R3HDM4: variants seen among roughly 807,000 people sequenced by gnomAD.
R3HDM4 encodes R3H domain-containing protein 4.
In R3HDM4, 30 loss-of-function variants were observed where a neutral mutation model predicts 31.3. That is an observed-to-expected ratio of 0.96 (90% CI 0.72 to 1.30). The LOEUF is 1.30. Ranked by LOEUF, R3HDM4 falls within the 50% of genes most tolerant of loss-of-function variation. R3HDM4 has a pLI of 0.00. For synonymous variants in R3HDM4, 196 were observed against 156.6 expected, an observed-to-expected ratio of 1.25 and a Z score of -1.88; for missense variants, 444 against 366.1, an observed-to-expected ratio of 1.21 and a Z score of -1.74.
chr19:897,279 C>T lies in R3HDM4; in HGVS notation c.*158G>A, dbSNP rs1445473831. 3.4e-6 allele frequency: 2 copies of T among 587,148 alleles called. No individual in the cohort carries two copies. Among genetic ancestry groups the T allele is most frequent in the Admixed American group, 3.4e-5 (1 of 29,094 alleles). 36.4% of individuals were successfully genotyped at this position (587,148 alleles called of 1,614,324 possible). A position where few individuals can be genotyped will look rare whatever the true frequency, so the allele number is the denominator to read the frequency against. On this transcript the variant is annotated 3_prime_UTR_variant, in exon 8 of 8. Coordinates refer to ENST00000361574, the MANE Select transcript of R3HDM4 (RefSeq NM_138774.4). ...CCAGCCGCCAGCGTCTGTTGACTGCCAAGAGCTGCGTGAGGAGGGGGCAGA... is the reference window on the plus strand; with the variant it reads ...CCAGCCGCCAGCGTCTGTTGACTGCTAAGAGCTGCGTGAGGAGGGGGCAGA...
rs553957189 is a variant in R3HDM4 at position 898,778 on chromosome 19, C to T, written c.703+662G>A. 5.6e-4 allele frequency among the ~76,000 whole-genome samples: 86 copies of T among 152,250 alleles called. 1 individual carries two copies. The East Asian group carries it at 0.014, about 25-fold the overall frequency. On this transcript the variant is annotated intron_variant, in intron 7 of 7. Coordinates refer to ENST00000361574, the MANE Select transcript of R3HDM4 (RefSeq NM_138774.4). ...CCCACCAAGCTCCAAGCCCCGCACC[C>T]CCAGCCAAGGCCGGATGTTCTGAGC...
At position 907,439 on chromosome 19, in the gene R3HDM4, G is replaced by A. The variant is rs1055561946; in HGVS notation, c.72-5309C>T. Among the ~76,000 whole-genome samples, 3 of 152,094 alleles carry A rather than the reference G, an allele frequency of 2.0e-5. No homozygotes were observed. The highest frequency in any genetic ancestry group is 2.9e-5 in the Non-Finnish European group (2 of 68,000). ...AAGTGACATCCGAGGGGAGCCCTCG[G>A]GGAAGTCAGAGGGGGCGGGGCTCGG... is the stretch of plus-strand genomic sequence containing the variant. On this transcript the variant is annotated intron_variant, in intron 1 of 7. Coordinates refer to ENST00000361574, the MANE Select transcript of R3HDM4 (RefSeq NM_138774.4). This position sits in a 1 kb window ranked among gnomAD's most constrained non-coding sequence, Gnocchi z 4.1.
rs570524602 is a variant in R3HDM4 at position 907,455 on chromosome 19, C to T, written c.72-5325G>A. On this transcript the variant is annotated intron_variant, in intron 1 of 7. Coordinates refer to ENST00000361574, the MANE Select transcript of R3HDM4 (RefSeq NM_138774.4). The surrounding 1 kb of genome is among the most constrained non-coding windows in gnomAD (Gnocchi z 4.1). ...GAGCCCTCGGGGAAGTCAGAGGGGG[C>T]GGGGCTCGGTGACACAGCTCAAGCC... Among the ~76,000 whole-genome samples the T allele has an allele frequency of 6.6e-6, 1 of 152,166 alleles. No homozygotes were observed. Among genetic ancestry groups the T allele is most frequent in the South Asian group, 2.1e-4 (1 of 4,824 alleles).
chr19:903,228 GC>G (rs11333484), intron 1 of R3HDM4, among the ~76,000 whole-genome samples: 56,090 of 149,076 alleles, frequency 0.38, 11,124 homozygotes, highest in Middle Eastern at 0.51. Context: ...TGATGCCTCA[GC>G]CCCCCCCGCA....
chr19:903,246 C>G (rs988783377), intron 1 of R3HDM4, among the ~76,000 whole-genome samples: 2 of 151,808 alleles, frequency 1.3e-5, no homozygotes, highest in African/African-American at 2.4e-5. Context: ...CGCAAACCCC[C>G]CCCTTAATGT....
In R3HDM4 at chr19:899,343, A is replaced by C; in HGVS notation, c.703+97T>G. 6 of 1,218,878 alleles carry C rather than the reference A, an allele frequency of 4.9e-6. No homozygotes were observed. The highest frequency in any genetic ancestry group is 2.4e-5 in the East Asian group (1 of 40,834). 75.5% of individuals were successfully genotyped at this position (1,218,878 alleles called of 1,614,324 possible). A position where few individuals can be genotyped will look rare whatever the true frequency, so the allele number is the denominator to read the frequency against. On this transcript the variant is annotated intron_variant, in intron 7 of 7. Transcript: ENST00000361574. The surrounding 1 kb of genome is among the most constrained non-coding windows in gnomAD (Gnocchi z 6.8). ...CTCCAGCCCCCTTCCCCACCTCCCCACCAAGCCCCACTCTGAGGAACCAGG... is the reference window on the plus strand; with the variant it reads ...CTCCAGCCCCCTTCCCCACCTCCCCCCCAAGCCCCACTCTGAGGAACCAGG...
intron 1 of R3HDM4, among the ~76,000 whole-genome samples, chr19:903,265 C>A (rs1414678897): frequency 6.6e-6 from 1 of 151,788 alleles, no homozygotes; most frequent in Non-Finnish European, 1.5e-5. Context: ...GTCCCCTGTC[C>A]CCAGGGCCAG....
rs752584648 is a variant in R3HDM4, at chr19:901,628, C to G, written c.227-82G>C. On this transcript the variant is annotated intron_variant, in intron 2 of 7. Coordinates refer to ENST00000361574, the MANE Select transcript of R3HDM4 (RefSeq NM_138774.4). ...CATGGGGACCCAAGAACTAGCCTTCCTCCTTTTTTATCATCTCAACCTCCG... is the reference window on the plus strand; with the variant it reads ...CATGGGGACCCAAGAACTAGCCTTCGTCCTTTTTTATCATCTCAACCTCCG... The G allele has an allele frequency of 4.6e-6, 7 of 1,529,562 alleles. No homozygotes were observed. The South Asian group carries it at 6.0e-5, about 13-fold the overall frequency. 94.7% of individuals were successfully genotyped at this position (1,529,562 alleles called of 1,614,324 possible). A position where few individuals can be genotyped will look rare whatever the true frequency, so the allele number is the denominator to read the frequency against.
In R3HDM4 at chr19:902,062, T is replaced by G; in HGVS notation, c.140A>C (p.Lys47Thr). ...QVKRLSASRRKQHFINQAVRN... is the reference protein window; with the variant it reads ...QVKRLSASRRTQHFINQAVRN... ...CACTGCCTGGTTGATGAAGTGCTGTTTCCGCCTGGAAGCCGAGAGTCTCTT... is the reference window on the plus strand; with the variant it reads ...CACTGCCTGGTTGATGAAGTGCTGTGTCCGCCTGGAAGCCGAGAGTCTCTT... The change falls in exon 2 of 8, where the codon AAA becomes ACA. Residue 47 changes from lysine to threonine, a missense_variant. By Grantham distance (78) the Lys-to-Thr change is moderately conservative. Coordinates refer to ENST00000361574, the MANE Select transcript of R3HDM4 (RefSeq NM_138774.4). 1 of 1,613,924 alleles carries G rather than the reference T, an allele frequency of 6.2e-7. No homozygotes were observed. The highest frequency in any genetic ancestry group is 8.5e-7 in the Non-Finnish European group (1 of 1,180,008).
intron 7 of R3HDM4, among the ~76,000 whole-genome samples, chr19:898,457 G>A (rs1343691069): frequency 6.7e-6 from 1 of 150,202 alleles, no homozygotes; most frequent in East Asian, 1.9e-4. Flanking sequence ...AAAATTAGCC[G>A]GGCGTGCTGG....
chr19:901,813 T>C, intron 2 of R3HDM4, 163 bp downstream of exon 2: 1 of 720,344 alleles, frequency 1.4e-6, no homozygotes, highest in Non-Finnish European at 2.2e-6. Context: ...GGCGCCTGTG[T>C]CTGGCTCTAT....
chr19:903,692 G>A (rs888700407), intron 1 of R3HDM4, among the ~76,000 whole-genome samples: 1 of 152,186 alleles, frequency 6.6e-6, no homozygotes, highest in Non-Finnish European at 1.5e-5. Flanking sequence ...GGAGTTTGAG[G>A]CTGCGGTGAG....
rs1471532565 is a variant in R3HDM4, at chr19:899,032, A to AG, written c.703+407dup. 1.3e-5 allele frequency among the ~76,000 whole-genome samples: 2 copies of AG among 152,086 alleles called. No homozygotes were observed. Among genetic ancestry groups the AG allele is most frequent in the East Asian group, 1.9e-4 (1 of 5,178 alleles). On this transcript the variant is annotated intron_variant, in intron 7 of 7. Coordinates refer to ENST00000361574, the MANE Select transcript of R3HDM4 (RefSeq NM_138774.4). This position sits in a 1 kb window ranked among gnomAD's most constrained non-coding sequence, Gnocchi z 6.8. ...GGAAAAGTGGAGCGCAGGGGCCAGT[A>AG]GGGGGTCTCGCCTGAGGTCCCACGT...
chr19:899,436 TTACTGGCCGAGATGAGGTCCATG>T lies in R3HDM4; in HGVS notation c.684_703+3del. On this transcript the variant is annotated splice_donor_variant and splice_donor_region_variant and coding_sequence_variant and intron_variant, in exon 7 of 8. Coordinates refer to ENST00000361574, the MANE Select transcript of R3HDM4 (RefSeq NM_138774.4). LOFTEE classifies it high-confidence loss of function. This position sits in a 1 kb window ranked among gnomAD's most constrained non-coding sequence, Gnocchi z 6.8. ...TTGGGGTCTTGGGGGCCACCGGCAC[TTACTGGCCGAGATGAGGTCCATG>T]TACTGGCAGACAGCGTGCAGCAGAA... 1 of 1,613,486 alleles carries T rather than the reference TTACTGGCCGAGATGAGGTCCATG, an allele frequency of 6.2e-7. No individual in the cohort carries two copies. The highest frequency in any genetic ancestry group is 8.5e-7 in the Non-Finnish European group (1 of 1,179,846).
rs535296735 is a variant in R3HDM4 at position 899,548 on chromosome 19, G to A, written c.647+53C>T. On this transcript the variant is annotated intron_variant, in intron 6 of 7. Coordinates refer to ENST00000361574, the MANE Select transcript of R3HDM4 (RefSeq NM_138774.4). This position sits in a 1 kb window ranked among gnomAD's most constrained non-coding sequence, Gnocchi z 6.8. The stretch of plus-strand genomic sequence containing the variant: ...GCAGGGGCTGCAGCGTGGGGTGTCC[G>A]CCCACCTGGCCGCAGCCTCGGAGGG... 2.4e-5 allele frequency: 38 copies of A among 1,611,460 alleles called. No individual in the cohort carries two copies. The highest frequency in any genetic ancestry group is 2.1e-4 in the African/African-American group (16 of 74,982).
In R3HDM4 at chr19:912,858, C is replaced by T. The variant is rs373043159; in HGVS notation, c.71+229G>A. Among the ~76,000 whole-genome samples the T allele has an allele frequency of 4.6e-5, 7 of 151,838 alleles. No individual in the cohort carries two copies. The South Asian group carries it at 1.5e-3, about 31-fold the overall frequency. ...AGCCCCCGGAGCGCCAGGAGGGTGTCCCCGCTGAGTAACAATGAAGACCCC... is the reference window on the plus strand; with the variant it reads ...AGCCCCCGGAGCGCCAGGAGGGTGTTCCCGCTGAGTAACAATGAAGACCCC... On this transcript the variant is annotated intron_variant, in intron 1 of 7. Transcript: ENST00000361574.
chr19:908,754 G>A (rs945665900), intron 1 of R3HDM4, among the ~76,000 whole-genome samples: 1 of 151,650 alleles, frequency 6.6e-6, no homozygotes, highest in Admixed American at 6.6e-5. Flanking sequence ...CCACCCCCAG[G>A]AACGGCCCCG....
Position 897,306 on chromosome 19 carries a change from TG to T in R3HDM4, c.*130del. On this transcript the variant is annotated 3_prime_UTR_variant, in exon 8 of 8. Transcript: ENST00000361574. ...AGAGCTGCGTGAGGAGGGGGCAGAG[TG>T]AGAGAGACCACCCCAAGCGAAAAAG... 3.0e-6 allele frequency: 2 copies of T among 671,188 alleles called. No individual in the cohort carries two copies. Among genetic ancestry groups the T allele is most frequent in the Non-Finnish European group, 5.0e-6 (2 of 402,742 alleles). 41.6% of individuals were successfully genotyped at this position (671,188 alleles called of 1,614,324 possible).
chr19:906,685 C>T (rs1023967786), intron 1 of R3HDM4, among the ~76,000 whole-genome samples: 2 of 152,146 alleles, frequency 1.3e-5, no homozygotes, highest in Admixed American at 1.3e-4. Flanking sequence ...TGCCACACTG[C>T]TTTTGATCGT....
Sources: gnomAD v4.1 joint callset for allele counts (sites outside exome capture counted in the v4.1 genomes callset) on GRCh38, gnomAD v4.1.1 for gene constraint, Gnocchi (gnomAD v3.1) non-coding constraint, MANE v1.5 for transcripts, NCBI Gene and HGNC (gene_info 2026-07-23, HGNC 2026-07-21) for gene names.